Variants in LUC7L3 observed in about 807,000 individuals in gnomAD.
LUC7L3 encodes the protein LUC7 like 3 pre-mRNA splicing factor.
In LUC7L3, 6 loss-of-function variants were observed where a neutral mutation model predicts 66.8. The ratio of observed to expected loss-of-function variants is 0.09; its 90% CI spans 0.05 to 0.18. The LOEUF (loss-of-function observed/expected upper bound fraction) is 0.18. Ranked by LOEUF, LUC7L3 falls within the 10% of genes least tolerant of loss-of-function variation. The pLI is 1.00. For missense variants in LUC7L3, 341 were observed against 531.1 expected, an observed-to-expected ratio of 0.64 and a Z score of 3.52; for synonymous variants, 160 against 174.7, an observed-to-expected ratio of 0.92 and a Z score of 0.66.
At chr17:50,720,330 A>G (rs971573469) in intron 1 of LUC7L3, among the ~76,000 whole-genome samples, 1 of 152,232 alleles carries the variant, frequency 6.6e-6, no homozygotes, top group Non-Finnish European at 1.5e-5. Context: ...GTTAGGGTTT[A>G]CCGTGATGAT....
Position 50,741,133 on chromosome 17 carries a change from G to T in LUC7L3, c.238G>T (p.Gly80Cys). 1 of 1,614,124 alleles carries T rather than the reference G, an allele frequency of 6.2e-7. No homozygotes were observed. The highest frequency in any genetic ancestry group is 8.5e-7 in the Non-Finnish European group (1 of 1,179,994). The change falls in exon 4 of 10, where the codon GGC (glycine) becomes TGC (cysteine). Residue 80 changes from glycine (G) to cysteine (C), a missense_variant. This residue lies in a region of LUC7L3 where 86 missense variants were observed against 172.0 expected (regional missense o/e 0.50). Coordinates refer to ENST00000505658, the MANE Select transcript of LUC7L3 (RefSeq NM_016424.5). ...GAAGAGCTCTCGTTTCATGAAAGTT[G>T]GCTATGAGAGAGATTTTTTGCGATA... ...YEKSSRFMKV[G>C]YERDFLRYLQ...
intron 6 of LUC7L3, among the ~76,000 whole-genome samples, chr17:50,744,136 ATACT>A (rs1567874737): frequency 6.6e-6 from 1 of 152,252 alleles, no homozygotes; most frequent in Non-Finnish European, 1.5e-5. Flanking sequence ...TACTCAGTAC[ATACT>A]TACATCTTTG....
intron 6 of LUC7L3, among the ~76,000 whole-genome samples, chr17:50,744,447 C>T (rs1970538858): frequency 6.6e-6 from 1 of 152,196 alleles, no homozygotes; most frequent in Non-Finnish European, 1.5e-5. Context: ...CTCAACATTT[C>T]TTCTGGATGA....
chr17:50,736,758 C>T (rs913369367), intron 1 of LUC7L3: 4 of 514,108 alleles, frequency 7.8e-6, no homozygotes, highest in African/African-American at 2.0e-5. Flanking sequence ...ACTAGTAATA[C>T]GAGTACTGCA....
At chr17:50,737,211 G>A in intron 2 of LUC7L3, 185 bp downstream of exon 2, 1 of 644,626 alleles carries the variant, frequency 1.6e-6, no homozygotes, top group Non-Finnish European at 2.8e-6. Flanking sequence ...GATTAAACAT[G>A]GTGGCTTAAT....
chr17:50,740,081 G>T (rs556730862), intron 2 of LUC7L3, among the ~76,000 whole-genome samples: 2 of 151,886 alleles, frequency 1.3e-5, no homozygotes, highest in Non-Finnish European at 2.9e-5. Context: ...AACCATATAT[G>T]GTTGCTGTCC....
Position 50,743,662 on chromosome 17 carries a change from G to A in LUC7L3, c.427-44G>A, listed in dbSNP as rs768169490. ...CATGGGGAAAAAAGACAATAGTTGG[G>A]TTTGAAAGAAATCTTAACTGTTTTT... On this transcript the variant is annotated intron_variant, in intron 5 of 9. Transcript: ENST00000505658. 2.5e-5 allele frequency: 31 copies of A among 1,261,122 alleles called. 1 individual carries two copies. In the South Asian group the frequency reaches 3.8e-4, roughly 15 times the overall value. 78.1% of individuals were successfully genotyped at this position (1,261,122 alleles called of 1,614,324 possible). A position where few individuals can be genotyped will look rare whatever the true frequency, so the allele number is the denominator to read the frequency against.
chr17:50,736,503 A>G (rs1039869402), intron 1 of LUC7L3: 1 of 160,048 alleles, frequency 6.2e-6, no homozygotes, highest in African/African-American at 2.4e-5. Context: ...CTGATGTGTT[A>G]AGGATCTTCT....
intron 1 of LUC7L3, among the ~76,000 whole-genome samples, chr17:50,734,517 AG>A (rs1969852006): frequency 6.6e-6 from 1 of 152,148 alleles, no homozygotes; most frequent in Non-Finnish European, 1.5e-5. Flanking sequence ...TAATGTTGCC[AG>A]GGCCTGGAGT....
chr17:50,739,238 T>G (rs1446212995), intron 2 of LUC7L3, among the ~76,000 whole-genome samples: 1 of 152,036 alleles, frequency 6.6e-6, no homozygotes, highest in Non-Finnish European at 1.5e-5. Flanking sequence ...GTATCCCAGA[T>G]TGAAGTAAGG....
At chr17:50,723,743 C>T (rs1405072186) in intron 1 of LUC7L3, 1 of 311,328 alleles carries the variant, frequency 3.2e-6, no homozygotes, top group Non-Finnish European at 6.4e-6. Context: ...CAACCTCCAC[C>T]TCCTGGCCTC....
chr17:50,730,513 CAAAAAAA>C (rs3063109), intron 1 of LUC7L3, among the ~76,000 whole-genome samples: 10 of 59,090 alleles, frequency 1.7e-4, no homozygotes, highest in African/African-American at 6.0e-4. Flanking sequence ...ACTCTGTCTC[CAAAAAAA>C]AAAAAAAAAA....
At chr17:50,723,309 CATGAAGGTTTAAT>C (rs1417095910) in intron 1 of LUC7L3, 2 of 152,166 alleles carry the variant, frequency 1.3e-5, no homozygotes, top group African/African-American at 4.8e-5. Flanking sequence ...GAAGGTTTAA[CATGAAGGTTTAAT>C]AATTTATGAA....
At chr17:50,721,352 G>A (rs1567852518) in intron 1 of LUC7L3, among the ~76,000 whole-genome samples, 1 of 151,992 alleles carries the variant, frequency 6.6e-6, no homozygotes, top group African/African-American at 2.4e-5. Flanking sequence ...TCTTTCCCGG[G>A]GTAATTTGTT....
chr17:50,748,024 C>T (rs1375989542), intron 9 of LUC7L3, among the ~76,000 whole-genome samples: 2 of 152,204 alleles, frequency 1.3e-5, no homozygotes, highest in African/African-American at 2.4e-5. Flanking sequence ...GTATGACTGT[C>T]AGGTCAAATT....
At chr17:50,728,672 G>A (rs1032552600) in intron 1 of LUC7L3, among the ~76,000 whole-genome samples, 1 of 152,208 alleles carries the variant, frequency 6.6e-6, no homozygotes, top group Non-Finnish European at 1.5e-5. Flanking sequence ...TCGTGCCTCA[G>A]TCTCCCGAGT....
chr17:50,730,513 CAAAAAAAAAAAAAAAA>C (rs3063109), intron 1 of LUC7L3, among the ~76,000 whole-genome samples: 2 of 59,066 alleles, frequency 3.4e-5, no homozygotes, highest in African/African-American at 1.5e-4. Context: ...ACTCTGTCTC[CAAAAAAAAAAAAAAAA>C]AAAAAAAAAG....
intron 1 of LUC7L3, among the ~76,000 whole-genome samples, chr17:50,725,202 G>A (rs1052906973): frequency 7.2e-5 from 11 of 152,180 alleles, no homozygotes; most frequent in Non-Finnish European, 1.5e-4. Context: ...CTGAGCTCAG[G>A]AGTTTGAGAC....
chr17:50,741,440 T>C (rs1178889387), intron 4 of LUC7L3, 194 bp downstream of exon 4: 1 of 721,238 alleles, frequency 1.4e-6, no homozygotes, highest in Non-Finnish European at 2.2e-6. Flanking sequence ...ATAAGATTTT[T>C]CTTTGTTTTT....
Sources: allele counts gnomAD v4.1 joint callset (sites outside exome capture counted in the v4.1 genomes callset), GRCh38; gene constraint gnomAD v4.1.1; regional missense constraint gnomAD v4.1.1; transcripts MANE v1.5; gene names NCBI Gene and HGNC (gene_info 2026-07-23, HGNC 2026-07-21).